MYO16: variants seen among roughly 807,000 people sequenced by gnomAD.
MYO16 encodes myosin XVI, also known as unconventional myosin-XVI.
MYO16 carries 94 observed loss-of-function variants against 205.3 expected under a neutral mutation model. That is an observed-to-expected ratio of 0.46 (90% CI 0.39 to 0.54). MYO16 has a LOEUF of 0.54. Ranked by LOEUF, MYO16 falls within the 20% of genes least tolerant of loss-of-function variation. The pLI is 0.00. For missense variants in MYO16, 2,315 were observed against 2,387.5 expected (o/e 0.97, Z 0.63); for synonymous variants, 988 against 954.0 (o/e 1.04, Z -0.66).
intron 16 of MYO16, among the ~76,000 whole-genome samples, chr13:108,942,614 A>G (rs918096384): frequency 1.6e-4 from 25 of 152,196 alleles, no homozygotes; most frequent in African/African-American, 6.0e-4. Context: ...AATGTGGTAT[A>G]TGTATATCTT....
intron 20 of MYO16, among the ~76,000 whole-genome samples, chr13:108,983,459 G>A (rs889270708): frequency 1.3e-5 from 2 of 152,218 alleles, no homozygotes; most frequent in Non-Finnish European, 2.9e-5. Flanking sequence ...TCTTGAAACA[G>A]CACAAAGTCC....
chr13:108,856,987 A>G (rs1384510270), intron 11 of MYO16, among the ~76,000 whole-genome samples: 1 of 152,210 alleles, frequency 6.6e-6, no homozygotes, highest in African/African-American at 2.4e-5. Context: ...CAGAGGCTAG[A>G]ATCCTCATGA....
At position 108,707,641 on chromosome 13, in the gene MYO16, C is replaced by T. The variant is rs1374121700; in HGVS notation, c.293-5020C>T. On this transcript the variant is annotated intron_variant, in intron 2 of 34. Coordinates refer to ENST00000457511, the MANE Select transcript of MYO16 (RefSeq NM_001198950.3). ...CCTGTGGGACATGTGGTACTAGGGG[C>T]CAAAGTCTCAATGGCAAATTAATGG... Among the ~76,000 whole-genome samples the T allele has an allele frequency of 2.6e-5, 4 of 152,088 alleles. No homozygotes were observed. In the East Asian group the frequency reaches 5.8e-4, roughly 22 times the overall value.
intron 32 of MYO16, among the ~76,000 whole-genome samples, chr13:109,149,557 A>G (rs1021311557): frequency 6.6e-6 from 1 of 152,232 alleles, no homozygotes; most frequent in African/African-American, 2.4e-5. Context: ...AAATAATGAT[A>G]CAAGGTCTCT....
At chr13:108,639,038 T>C (rs186120570) in intron 1 of MYO16, among the ~76,000 whole-genome samples, 2 of 152,322 alleles carry the variant, frequency 1.3e-5, no homozygotes, top group East Asian at 1.9e-4. Flanking sequence ...TGTGCAGTAG[T>C]TGGACAAGTC....
rs115712495 is a variant in MYO16 at position 108,961,343 on chromosome 13, T to C, written c.2038-196T>C. ...GAACATTGATTTAGAGAAAATATGTTTTGAATTATGAGGTTTTGATGTTGA... is the reference window on the plus strand; with the variant it reads ...GAACATTGATTTAGAGAAAATATGTCTTGAATTATGAGGTTTTGATGTTGA... On this transcript the variant is annotated intron_variant, in intron 17 of 34. Coordinates refer to ENST00000457511, the MANE Select transcript of MYO16 (RefSeq NM_001198950.3). Among the ~76,000 whole-genome samples, 1,402 of 152,310 alleles carry C rather than the reference T, an allele frequency of 9.2e-3. 27 individuals are homozygous for C. Among genetic ancestry groups the C allele is most frequent in the African/African-American group, 0.032 (1,346 of 41,552 alleles).
chr13:108,949,521 A>G lies in MYO16; in HGVS notation c.1926-8167A>G, dbSNP rs565879515. Among the ~76,000 whole-genome samples the G allele has an allele frequency of 1.1e-4, 16 of 152,318 alleles. No individual in the cohort carries two copies. In the East Asian group the frequency reaches 2.7e-3, roughly 26 times the overall value. ...AGAATCTGGAGGCTGAAAATGAAAA[A>G]AAAATACCAATGAAAGAAAAAGAGA... is the stretch of plus-strand genomic sequence containing the variant. On this transcript the variant is annotated intron_variant, in intron 16 of 34. Transcript: ENST00000457511.
chr13:108,756,710 G>A (rs1885433163), intron 4 of MYO16, among the ~76,000 whole-genome samples: 1 of 151,948 alleles, frequency 6.6e-6, no homozygotes, highest in African/African-American at 2.4e-5. Flanking sequence ...AAAAAACAAA[G>A]GAAAATGAAA....
At chr13:108,528,580 TCCCCTTTCCC>T in the MYO16 span, among the ~76,000 whole-genome samples, 25 of 85,580 alleles carry the variant, frequency 2.9e-4, no homozygotes, top group Admixed American at 3.9e-4. Context: ...TCCCCTCCCC[TCCCCTTTCCC>T]CTCCTCTCCC....
chr13:108,629,185 G>A (rs1879862040), upstream of MYO16: 1 of 152,202 alleles, frequency 6.6e-6, no homozygotes, highest in African/African-American at 2.4e-5. Context: ...GCAGAAAGAT[G>A]TGTTTTGAAA....
At chr13:108,705,687 A>G (rs1468079004) in intron 2 of MYO16, among the ~76,000 whole-genome samples, 1 of 152,176 alleles carries the variant, frequency 6.6e-6, no homozygotes, top group Non-Finnish European at 1.5e-5. Context: ...CCCAGAGAAA[A>G]GGGAAGTATA....
chr13:108,873,604 T>C (rs67238249), intron 12 of MYO16, among the ~76,000 whole-genome samples: 1 of 151,828 alleles, frequency 6.6e-6, no homozygotes, highest in Non-Finnish European at 1.5e-5. Context: ...ACAGGGTCCA[T>C]GCCAACCACC....
At chr13:108,642,559 A>G (rs1391476248) in intron 1 of MYO16, among the ~76,000 whole-genome samples, 2 of 152,142 alleles carry the variant, frequency 1.3e-5, no homozygotes, top group African/African-American at 4.8e-5. Context: ...CTGAGACTAC[A>G]GGCATGCACC....
chr13:108,697,391 G>T (rs1433800265), intron 2 of MYO16, among the ~76,000 whole-genome samples: 4 of 152,146 alleles, frequency 2.6e-5, no homozygotes, highest in Non-Finnish European at 5.9e-5. Flanking sequence ...CCAGCTATCT[G>T]CAGAATTCCA....
intron 16 of MYO16, among the ~76,000 whole-genome samples, chr13:108,924,997 A>G (rs1473074993): frequency 6.6e-6 from 1 of 152,118 alleles, no homozygotes; most frequent in East Asian, 1.9e-4. Flanking sequence ...TCTTTCTGGG[A>G]ATAGAAGGTG....
chr13:109,092,555 G>A lies in MYO16; in HGVS notation c.3336-8230G>A, dbSNP rs534048259. On this transcript the variant is annotated intron_variant, in intron 27 of 34. Transcript: ENST00000457511. ...TAAGAACTCATGAACACAGAGAAGGGAACCACAGACACTTGAGGGAGAAAG... is the reference window on the plus strand; with the variant it reads ...TAAGAACTCATGAACACAGAGAAGGAAACCACAGACACTTGAGGGAGAAAG... Among the ~76,000 whole-genome samples, 7 of 152,260 alleles carry A rather than the reference G, an allele frequency of 4.6e-5. No homozygotes were observed. In the South Asian group the frequency reaches 1.0e-3, roughly 23 times the overall value.
intron 29 of MYO16, among the ~76,000 whole-genome samples, chr13:109,123,363 A>G (rs989630239): frequency 2.0e-5 from 3 of 152,216 alleles, no homozygotes; most frequent in Non-Finnish European, 2.9e-5. Context: ...TGGCACATCC[A>G]CATTAATCTT....
chr13:108,637,461 A>G (rs1594164497), intron 1 of MYO16, among the ~76,000 whole-genome samples: 1 of 152,214 alleles, frequency 6.6e-6, no homozygotes, highest in African/African-American at 2.4e-5. Context: ...GATTAAGTCA[A>G]TTTTAGTTTC....
chr13:108,857,901 G>A (rs1470930975), intron 11 of MYO16, among the ~76,000 whole-genome samples: 2 of 152,010 alleles, frequency 1.3e-5, no homozygotes, highest in Admixed American at 6.6e-5. Flanking sequence ...TCTGCTTTCC[G>A]AATGTTCATA....
Sources: allele counts gnomAD v4.1 joint callset (sites outside exome capture counted in the v4.1 genomes callset), GRCh38; gene constraint gnomAD v4.1.1; transcripts MANE v1.5; gene names NCBI Gene and HGNC (gene_info 2026-07-23, HGNC 2026-07-21).